Variants in PPARGC1A observed in about 807,000 individuals in gnomAD.
PPARGC1A encodes peroxisome proliferator-activated receptor gamma coactivator 1-alpha.
Under a neutral mutation model 88.7 loss-of-function variants are expected in PPARGC1A, and 25 were observed. That is an observed-to-expected ratio of 0.28 (90% CI 0.21 to 0.39). PPARGC1A has a LOEUF of 0.39. Among genes scored for constraint, PPARGC1A ranks in the 10% least tolerant of loss-of-function variants. The probability of loss-of-function intolerance (pLI) is 1.00; values close to 1 mark genes in which losing one functional copy is unlikely to be tolerated. For synonymous variants in PPARGC1A, 363 were observed against 355.6 expected, an observed-to-expected ratio of 1.02 and a Z score of -0.24; for missense variants, 880 against 968.7, an observed-to-expected ratio of 0.91 and a Z score of 1.22.
At chr4:23,808,422 G>T (rs1362132481) in intron 10 of PPARGC1A, among the ~76,000 whole-genome samples, 1 of 152,044 alleles carries the variant, frequency 6.6e-6, no homozygotes, top group Non-Finnish European at 1.5e-5. Context: ...TTTTGGTTTT[G>T]AGTGCTGAGC....
At chr4:24,055,308 T>C in the PPARGC1A span, among the ~76,000 whole-genome samples, 7 of 152,294 alleles carry the variant, frequency 4.6e-5, no homozygotes, top group African/African-American at 1.4e-4. Context: ...TGACCAGCCA[T>C]CTTCATTCAA....
At chr4:24,371,296 C>G in the PPARGC1A span, among the ~76,000 whole-genome samples, 73 of 152,256 alleles carry the variant, frequency 4.8e-4, no homozygotes, top group East Asian at 0.014. Flanking sequence ...GGTTCCCATA[C>G]CTTATATAAC....
chr4:24,251,217 C>T, the PPARGC1A span, among the ~76,000 whole-genome samples: 1 of 152,218 alleles, frequency 6.6e-6, no homozygotes, highest in African/African-American at 2.4e-5. Flanking sequence ...GTGTTCAAAT[C>T]CTGGCTGTGC....
chr4:24,232,610 C>A, the PPARGC1A span, among the ~76,000 whole-genome samples: 1 of 152,192 alleles, frequency 6.6e-6, no homozygotes, highest in Non-Finnish European at 1.5e-5. Context: ...CATAGTAATA[C>A]AGGGATGCAC....
chr4:24,151,433 C>A, the PPARGC1A span, among the ~76,000 whole-genome samples: 1 of 152,132 alleles, frequency 6.6e-6, no homozygotes, highest in Non-Finnish European at 1.5e-5. Flanking sequence ...GAAGGCCCTT[C>A]TCTCACAAGT....
At chr4:23,980,182 C>A in the PPARGC1A span, among the ~76,000 whole-genome samples, 3 of 83,910 alleles carry the variant, frequency 3.6e-5, no homozygotes, top group Admixed American at 1.3e-4. Context: ...AACTCCCAGC[C>A]AGCAAAAAAA....
At position 23,795,714 on chromosome 4, in the gene PPARGC1A, G is replaced by A; in HGVS notation, c.*108C>T. ...TTTGTTTTGTTTTTGTACAGAGAGT[G>A]TAAAGTAGGAGAAATTCCTAAGTAT... is the stretch of plus-strand genomic sequence containing the variant. On this transcript the variant is annotated 3_prime_UTR_variant, in exon 13 of 13. Coordinates refer to ENST00000264867, the MANE Select transcript of PPARGC1A (RefSeq NM_013261.5). The A allele has an allele frequency of 1.3e-6, 1 of 775,322 alleles. No homozygotes were observed. The allele number at this position is 775,322 out of a possible 1,614,324, so 48.0% of individuals were successfully genotyped here.
chr4:24,158,187 C>T, the PPARGC1A span, among the ~76,000 whole-genome samples: 1 of 152,056 alleles, frequency 6.6e-6, no homozygotes, highest in Admixed American at 6.6e-5. Context: ...TTCTCCCTCC[C>T]CTCCCATCAT....
chr4:23,997,127 A>G, the PPARGC1A span, among the ~76,000 whole-genome samples: 1 of 152,182 alleles, frequency 6.6e-6, no homozygotes, highest in Admixed American at 6.5e-5. Flanking sequence ...CCATGAAACA[A>G]TAGTTTCCAA....
the PPARGC1A span, among the ~76,000 whole-genome samples, chr4:24,304,626 C>T: frequency 6.6e-6 from 1 of 152,138 alleles, no homozygotes; most frequent in Non-Finnish European, 1.5e-5. Flanking sequence ...CAAATTCAAC[C>T]CTCCTGTGCT....
the PPARGC1A span, among the ~76,000 whole-genome samples, chr4:24,058,729 T>C: frequency 6.6e-6 from 1 of 152,164 alleles, no homozygotes; most frequent in Non-Finnish European, 1.5e-5. Flanking sequence ...GTGGATCACC[T>C]GAGGTCAGGA....
rs751887759 is a variant in PPARGC1A at position 23,801,782 on chromosome 4, C to G, written c.2241G>C (p.Glu747Asp). The G allele has an allele frequency of 2.5e-6, 4 of 1,614,014 alleles. No homozygotes were observed. In the East Asian group the frequency reaches 8.9e-5, roughly 36 times the overall value. ...ATTGCTTGCGTCCACAAAAGTACAG[C>G]TCAAAGTCAGTTTCGTTTGACCTGC... is the stretch of plus-strand genomic sequence containing the variant. ...TLRRSNETDF[E>D]LYFCGRKQFF... The change falls in exon 12 of 13, where the codon GAG becomes GAC. Residue 747 changes from glutamate (E) to aspartate (D), a missense_variant. Coordinates refer to ENST00000264867, the MANE Select transcript of PPARGC1A (RefSeq NM_013261.5).
the PPARGC1A span, among the ~76,000 whole-genome samples, chr4:24,412,574 G>A: frequency 2.3e-4 from 35 of 152,194 alleles, no homozygotes; most frequent in Non-Finnish European, 3.2e-4. Flanking sequence ...TCCACCTCCC[G>A]GGTTCAAGCG....
At chr4:23,916,760 A>G in the PPARGC1A span, among the ~76,000 whole-genome samples, 1 of 152,236 alleles carries the variant, frequency 6.6e-6, no homozygotes, top group Non-Finnish European at 1.5e-5. Context: ...AAAGTAATAT[A>G]CAAATGTTAG....
the PPARGC1A span, among the ~76,000 whole-genome samples, chr4:24,065,055 C>T: frequency 2.6e-5 from 4 of 152,202 alleles, no homozygotes; most frequent in African/African-American, 9.6e-5. Flanking sequence ...ACTTATCCCT[C>T]ACTTCTTCGT....
the PPARGC1A span, among the ~76,000 whole-genome samples, chr4:24,264,942 C>G: frequency 6.6e-6 from 1 of 152,204 alleles, no homozygotes; most frequent in Admixed American, 6.5e-5. Context: ...TAGCACAGTT[C>G]TCTTTGCTTC....
At chr4:23,904,369 G>A (rs781016871), upstream of PPARGC1A, among the ~76,000 whole-genome samples, 3 of 152,154 alleles carry the variant, frequency 2.0e-5, no homozygotes, top group Non-Finnish European at 2.9e-5. Flanking sequence ...AAATATAGCA[G>A]TACTGTAATT....
the PPARGC1A span, among the ~76,000 whole-genome samples, chr4:23,922,545 CA>C: frequency 2.0e-5 from 3 of 152,212 alleles, no homozygotes; most frequent in East Asian, 5.8e-4. Context: ...ATGTAAGAAA[CA>C]AAAAGAGTAA....
the PPARGC1A span, among the ~76,000 whole-genome samples, chr4:24,462,372 C>G: frequency 8.6e-5 from 13 of 151,822 alleles, no homozygotes; most frequent in Non-Finnish European, 1.8e-4. Context: ...GCTGGGATTA[C>G]AGGTGTGAGC....
Sources: gnomAD v4.1 joint callset for allele counts (sites outside exome capture counted in the v4.1 genomes callset) on GRCh38, gnomAD v4.1.1 for gene constraint, MANE v1.5 for transcripts, NCBI Gene and HGNC (gene_info 2026-07-23, HGNC 2026-07-21) for gene names.